Variants in ADAMTSL1 observed in about 807,000 individuals in gnomAD.
ADAMTSL1 encodes the protein ADAMTS-like protein 1.
In ADAMTSL1, 126 loss-of-function variants were observed where a neutral mutation model predicts 201.8. The ratio of observed to expected loss-of-function variants is 0.62; its 90% CI spans 0.54 to 0.72. The LOEUF (loss-of-function observed/expected upper bound fraction) is 0.72, where lower values mean the gene tolerates loss of function less well. Among genes scored for constraint, ADAMTSL1 ranks in the 30% least tolerant of loss-of-function variants. The pLI is 0.00. For synonymous variants in ADAMTSL1, 1,121 were observed against 903.4 expected, an observed-to-expected ratio of 1.24 and a Z score of -4.32; for missense variants, 2,679 against 2,277.8, an observed-to-expected ratio of 1.18 and a Z score of -3.59.
intron 1 of ADAMTSL1, among the ~76,000 whole-genome samples, chr9:17,937,776 A>T (rs1474732476): frequency 6.6e-6 from 1 of 152,214 alleles, no homozygotes; most frequent in African/African-American, 2.4e-5. Context: ...GCAACAAAAC[A>T]TACAACTAGA....
intron 3 of ADAMTSL1, among the ~76,000 whole-genome samples, chr9:18,563,649 T>C (rs1310292935): frequency 6.6e-6 from 1 of 152,200 alleles, no homozygotes; most frequent in African/African-American, 2.4e-5. Context: ...CCCAGGGAGA[T>C]GGGAGTTTGA....
At chr9:18,627,027 G>T (rs1464574551) in intron 5 of ADAMTSL1, among the ~76,000 whole-genome samples, 1 of 148,474 alleles carries the variant, frequency 6.7e-6, no homozygotes, top group Non-Finnish European at 1.5e-5. Flanking sequence ...TGAGGCTTCA[G>T]TGCAGTGGCA....
At chr9:18,247,098 A>G (rs1831281119) in intron 2 of ADAMTSL1, among the ~76,000 whole-genome samples, 3 of 152,146 alleles carry the variant, frequency 2.0e-5, no homozygotes, top group African/African-American at 7.2e-5. Flanking sequence ...GATACATGAC[A>G]AAAGGGTTAA....
intron 1 of ADAMTSL1, among the ~76,000 whole-genome samples, chr9:17,978,768 GA>G (rs373319295): frequency 6.6e-6 from 1 of 150,914 alleles, no homozygotes; most frequent in African/African-American, 2.4e-5. Context: ...CTTTACCATT[GA>G]TTTTTTTTAC....
intron 1 of ADAMTSL1, among the ~76,000 whole-genome samples, chr9:17,963,915 T>G (rs1817862809): frequency 6.6e-6 from 1 of 152,158 alleles, no homozygotes; most frequent in Non-Finnish European, 1.5e-5. Flanking sequence ...GCTCTCACTT[T>G]CCAATTCTCC....
chr9:18,513,098 C>G (rs1204696806), intron 2 of ADAMTSL1, among the ~76,000 whole-genome samples: 1 of 152,168 alleles, frequency 6.6e-6, no homozygotes, highest in Non-Finnish European at 1.5e-5. Context: ...AATCTCCTCT[C>G]TAATTCCCTC....
At chr9:18,495,641 A>C (rs1479314657) in intron 1 of ADAMTSL1, among the ~76,000 whole-genome samples, 5 of 152,218 alleles carry the variant, frequency 3.3e-5, no homozygotes, top group Non-Finnish European at 7.3e-5. Flanking sequence ...CTAGAGGAAA[A>C]TGTTATCTAT....
intron 15 of ADAMTSL1, among the ~76,000 whole-genome samples, chr9:18,730,189 A>AGTCC (rs1818128083): frequency 6.6e-6 from 1 of 152,250 alleles, no homozygotes; most frequent in Admixed American, 6.5e-5. Flanking sequence ...TTTGAGCAGA[A>AGTCC]GTCCTCATGA....
At chr9:18,898,141 A>C (rs1199711289) in intron 26 of ADAMTSL1, among the ~76,000 whole-genome samples, 1 of 152,142 alleles carries the variant, frequency 6.6e-6, no homozygotes, top group Non-Finnish European at 1.5e-5. Flanking sequence ...GTGAGCTGAG[A>C]TCATGCCACT....
chr9:18,169,321 T>A (rs1239455776), intron 2 of ADAMTSL1, among the ~76,000 whole-genome samples: 1 of 151,956 alleles, frequency 6.6e-6, no homozygotes, highest in East Asian at 1.9e-4. Context: ...AAGGAAGGGA[T>A]CCAGTTTCAG....
intron 2 of ADAMTSL1, among the ~76,000 whole-genome samples, chr9:18,182,093 A>G (rs1424967986): frequency 1.4e-5 from 2 of 141,748 alleles, no homozygotes; most frequent in Admixed American, 7.4e-5. Flanking sequence ...AGCTATGAGA[A>G]CTCATGGACA....
intron 1 of ADAMTSL1, among the ~76,000 whole-genome samples, chr9:17,920,573 C>T (rs559350147): frequency 6.6e-6 from 1 of 152,248 alleles, no homozygotes; most frequent in East Asian, 1.9e-4. Context: ...GGCATCACCG[C>T]GTTCTCTTTT....
At chr9:18,526,419 G>C (rs1819053667) in intron 2 of ADAMTSL1, among the ~76,000 whole-genome samples, 1 of 152,096 alleles carries the variant, frequency 6.6e-6, no homozygotes, top group Non-Finnish European at 1.5e-5. Flanking sequence ...CTTTTAATTG[G>C]AGCATTTAGC....
chr9:18,398,724 T>C (rs936675436), intron 2 of ADAMTSL1, among the ~76,000 whole-genome samples: 1 of 152,210 alleles, frequency 6.6e-6, no homozygotes, highest in Non-Finnish European at 1.5e-5. Flanking sequence ...TAGGATCTTA[T>C]AGGCTGTTTT....
intron 1 of ADAMTSL1, among the ~76,000 whole-genome samples, chr9:18,036,371 C>T (rs139174847): frequency 6.6e-6 from 1 of 152,272 alleles, no homozygotes; most frequent in Non-Finnish European, 1.5e-5. Flanking sequence ...TAATAAAATG[C>T]TTTTCAGAAT....
At chr9:18,585,418 G>A (rs1019908938) in intron 4 of ADAMTSL1, among the ~76,000 whole-genome samples, 4 of 152,072 alleles carry the variant, frequency 2.6e-5, no homozygotes, top group African/African-American at 9.7e-5. Flanking sequence ...TATTTTTAGT[G>A]ATGTATAGTT....
At chr9:18,740,010 C>G (rs1001419534) in intron 15 of ADAMTSL1, among the ~76,000 whole-genome samples, 1 of 152,080 alleles carries the variant, frequency 6.6e-6, no homozygotes, top group Non-Finnish European at 1.5e-5. Flanking sequence ...ACATATCAAA[C>G]TCCTGAGACA....
intron 2 of ADAMTSL1, among the ~76,000 whole-genome samples, chr9:18,290,968 A>T (rs1041889854): frequency 2.0e-5 from 3 of 152,014 alleles, no homozygotes; most frequent in African/African-American, 7.2e-5. Flanking sequence ...TATTTAGTAG[A>T]GTCGGGGTTT....
At chr9:17,966,563 C>G (rs1817985636) in intron 1 of ADAMTSL1, among the ~76,000 whole-genome samples, 1 of 152,082 alleles carries the variant, frequency 6.6e-6, no homozygotes, top group Admixed American at 6.6e-5. Context: ...TGTGATTGAG[C>G]AGAATGTGCA....
Sources: allele counts gnomAD v4.1 joint callset (sites outside exome capture counted in the v4.1 genomes callset), GRCh38; gene constraint gnomAD v4.1.1; transcripts MANE v1.5; gene names NCBI Gene and HGNC (gene_info 2026-07-23, HGNC 2026-07-21).